KCNIP1: variants seen among roughly 807,000 people sequenced by gnomAD.
KCNIP1 encodes the protein potassium voltage-gated channel interacting protein 1.
In KCNIP1, 18 loss-of-function variants were observed where a neutral mutation model predicts 33.0. The observed-to-expected ratio is 0.55, with a 90% CI of 0.38 to 0.81. The LOEUF (loss-of-function observed/expected upper bound fraction) is 0.81. Ranked by LOEUF, KCNIP1 falls within the 30% of genes least tolerant of loss-of-function variation. The pLI, the probability that KCNIP1 is intolerant of heterozygous loss-of-function variation, is 0.00. For missense variants in KCNIP1, 238 were observed against 271.6 expected (o/e 0.88, Z 0.87); for synonymous variants, 93 against 98.3 (o/e 0.95, Z 0.32).
chr5:170,695,834 C>A (rs2113825049), intron 1 of KCNIP1, among the ~76,000 whole-genome samples: 1 of 152,242 alleles, frequency 6.6e-6, no homozygotes, highest in South Asian at 2.1e-4. Context: ...TCCTGGCCAA[C>A]ATGATGAAAC....
At chr5:170,650,558 T>C (rs560086549) in intron 1 of KCNIP1, among the ~76,000 whole-genome samples, 1 of 152,378 alleles carries the variant, frequency 6.6e-6, no homozygotes, top group East Asian at 1.9e-4. Flanking sequence ...TATACCACAG[T>C]AGGCTTATTC....
intron 1 of KCNIP1, among the ~76,000 whole-genome samples, chr5:170,470,690 T>G (rs1362080780): frequency 6.6e-6 from 1 of 152,210 alleles, no homozygotes; most frequent in Non-Finnish European, 1.5e-5. Flanking sequence ...AGGCAAAGCA[T>G]CTTGAAGCGG....
chr5:170,642,537 G>A (rs906903588), intron 1 of KCNIP1, among the ~76,000 whole-genome samples: 3 of 152,136 alleles, frequency 2.0e-5, no homozygotes, highest in African/African-American at 4.8e-5. Context: ...TTCTGCTTTC[G>A]AAACATCGTC....
chr5:170,683,125 A>T (rs1581495429), intron 1 of KCNIP1, among the ~76,000 whole-genome samples: 2 of 152,306 alleles, frequency 1.3e-5, no homozygotes, highest in East Asian at 3.9e-4. Flanking sequence ...AAGGTAGAGA[A>T]CATATGTTGA....
At chr5:170,451,770 T>TGTGTGTGTGTGTG (rs1215207951) in intron 1 of KCNIP1, among the ~76,000 whole-genome samples, 122 of 147,660 alleles carry the variant, frequency 8.3e-4, no homozygotes, top group African/African-American at 1.5e-3. Flanking sequence ...TGTGTGTGTG[T>TGTGTGTGTGTGTG]TTGCAGGGGG....
intron 1 of KCNIP1, among the ~76,000 whole-genome samples, chr5:170,532,086 C>T (rs370106908): frequency 6.6e-6 from 1 of 152,218 alleles, no homozygotes; most frequent in East Asian, 1.9e-4. Flanking sequence ...TCTAGAAAGC[C>T]TTCCTCAAAT....
At chr5:170,519,352 GAGAT>G (rs1755270269) in intron 1 of KCNIP1, among the ~76,000 whole-genome samples, 1 of 152,164 alleles carries the variant, frequency 6.6e-6, no homozygotes, top group African/African-American at 2.4e-5. Context: ...CGGGGTTGTT[GAGAT>G]AGATAGATGG....
At chr5:170,518,291 CAGA>C (rs1454697958) in intron 1 of KCNIP1, among the ~76,000 whole-genome samples, 1 of 152,176 alleles carries the variant, frequency 6.6e-6, no homozygotes, top group Non-Finnish European at 1.5e-5. Context: ...CTAGGCTGCA[CAGA>C]AGGATTTCCA....
chr5:170,672,422 GC>G (rs1004773624), intron 1 of KCNIP1, among the ~76,000 whole-genome samples: 14 of 152,392 alleles, frequency 9.2e-5, no homozygotes, highest in African/African-American at 3.4e-4. Context: ...CTGAGGCTCT[GC>G]CCCAGGGCTG....
chr5:170,400,674 A>G (rs66778937), intron 1 of KCNIP1, among the ~76,000 whole-genome samples: 21,526 of 152,226 alleles, frequency 0.14, 1,619 homozygotes, highest in Admixed American at 0.19. Flanking sequence ...TGAAGTGGTT[A>G]CTGTGGTTAT....
At position 170,456,348 on chromosome 5, in the gene KCNIP1, T is replaced by A. The variant is rs141213931; in HGVS notation, c.88+102384T>A. The stretch of plus-strand genomic sequence containing the variant: ...AGTGGAGGGAGAGCATTAGGACAAA[T>A]ACCTCATGCATATGGGGTTTAAAAC... On this transcript the variant is annotated intron_variant, in intron 1 of 7. Transcript: ENST00000377360. 6.5e-3 allele frequency among the ~76,000 whole-genome samples: 982 copies of A among 152,056 alleles called. 12 individuals carry two copies. Among genetic ancestry groups the A allele is most frequent in the African/African-American group, 0.022 (925 of 41,466 alleles).
intron 1 of KCNIP1, among the ~76,000 whole-genome samples, chr5:170,593,728 T>TG (rs1423304053): frequency 1.3e-5 from 2 of 152,070 alleles, no homozygotes; most frequent in Non-Finnish European, 2.9e-5. Flanking sequence ...AGGGCGGGGC[T>TG]GGGGGGCCTC....
intron 1 of KCNIP1, among the ~76,000 whole-genome samples, chr5:170,493,455 T>C (rs1007371246): frequency 1.3e-5 from 2 of 152,210 alleles, no homozygotes; most frequent in Non-Finnish European, 2.9e-5. Flanking sequence ...CCCATTGCTC[T>C]GGGTGACTCA....
chr5:170,526,321 G>A (rs1755567149), intron 1 of KCNIP1, among the ~76,000 whole-genome samples: 2 of 152,190 alleles, frequency 1.3e-5, no homozygotes, highest in African/African-American at 2.4e-5. Flanking sequence ...TCAACTCTAC[G>A]CAGTAGCCCA....
chr5:170,472,074 C>T (rs567656806), intron 1 of KCNIP1, among the ~76,000 whole-genome samples: 7 of 152,228 alleles, frequency 4.6e-5, no homozygotes, highest in African/African-American at 1.2e-4. Context: ...ATTCTCCAGA[C>T]GCTGAGGATG....
chr5:170,485,505 AT>A (rs1341195677), intron 1 of KCNIP1, among the ~76,000 whole-genome samples: 1 of 152,140 alleles, frequency 6.6e-6, no homozygotes, highest in Non-Finnish European at 1.5e-5. Context: ...ACACAGACAC[AT>A]GGCCCACCTT....
At chr5:170,680,205 A>G (rs1056596982) in intron 1 of KCNIP1, among the ~76,000 whole-genome samples, 13 of 152,174 alleles carry the variant, frequency 8.5e-5, no homozygotes, top group South Asian at 4.1e-4. Flanking sequence ...GCCCAAGGAC[A>G]GGTCTCTGTG....
chr5:170,385,583 T>C (rs1764436312), intron 1 of KCNIP1: 11 of 1,024,880 alleles, frequency 1.1e-5, no homozygotes, highest in Non-Finnish European at 1.4e-5. Context: ...CACTCTTGTT[T>C]ATATTTGGAG....
intron 1 of KCNIP1, among the ~76,000 whole-genome samples, chr5:170,620,629 TTCTC>T (rs1463959898): frequency 1.3e-5 from 2 of 152,174 alleles, no homozygotes; most frequent in Non-Finnish European, 2.9e-5. Flanking sequence ...ATGTAATGGA[TTCTC>T]TCTATTTTTA....
Sources: allele counts gnomAD v4.1 joint callset (sites outside exome capture counted in the v4.1 genomes callset), GRCh38; gene constraint gnomAD v4.1.1; transcripts MANE v1.5; gene names NCBI Gene and HGNC (gene_info 2026-07-23, HGNC 2026-07-21).